Variants in CD40 observed in about 807,000 individuals in gnomAD.
CD40 encodes the protein tumor necrosis factor receptor superfamily member 5.
A neutral mutation model predicts 38.5 loss-of-function variants in CD40; 19 were observed. That is an observed-to-expected ratio of 0.49 (90% CI 0.34 to 0.72). The LOEUF is 0.72. Ranked by LOEUF, CD40 falls within the 30% of genes least tolerant of loss-of-function variation. The probability of loss-of-function intolerance (pLI) is 0.01; values close to 1 mark genes in which losing one functional copy is unlikely to be tolerated. For synonymous variants in CD40, 130 were observed against 128.7 expected (o/e 1.01, Z -0.07); for missense variants, 256 against 344.1 (o/e 0.74, Z 2.03).
chr20:46,128,772 T>C (rs1326149357), intron 8 of CD40, 110 bp from the exon 9 acceptor site: 19 of 1,214,398 alleles, frequency 1.6e-5, no homozygotes, highest in Non-Finnish European at 2.0e-5. Flanking sequence ...TGACCCGCCG[T>C]CTGGGAAAGG....
In CD40 at chr20:46,129,206, G is replaced by T; in HGVS notation, c.*166G>T. 2 of 729,240 alleles carry T rather than the reference G, an allele frequency of 2.7e-6. No homozygotes were observed. The highest frequency in any genetic ancestry group is 4.8e-6 in the Non-Finnish European group (2 of 417,790). 45.2% of individuals were successfully genotyped at this position (729,240 alleles called of 1,614,324 possible). A position where few individuals can be genotyped will look rare whatever the true frequency, so the allele number is the denominator to read the frequency against. On this transcript the variant is annotated 3_prime_UTR_variant, in exon 9 of 9. Coordinates refer to ENST00000372285, the MANE Select transcript of CD40 (RefSeq NM_001250.6). ...GTTTGAGACAGGAGACCTGGCACTG[G>T]ATGCAGAAACAGTTCACCTTGAAGA...
At chr20:46,121,981 C>G (rs979346762) in intron 2 of CD40, 83 bp downstream of exon 2, 2 of 1,235,954 alleles carry the variant, frequency 1.6e-6, no homozygotes, top group Admixed American at 3.4e-5. Flanking sequence ...TAACTGTAAA[C>G]TCAAATCTGA....
intron 6 of CD40, 200 bp downstream of exon 6, chr20:46,126,901 T>C: frequency 1.2e-6 from 1 of 821,570 alleles, no homozygotes; most frequent in Non-Finnish European, 1.9e-6. Context: ...ATCTGTAAAA[T>C]GGGATGATAA....
intron 5 of CD40, among the ~76,000 whole-genome samples, chr20:46,124,516 C>G (rs2085383243): frequency 6.6e-6 from 1 of 151,822 alleles, no homozygotes; most frequent in South Asian, 2.1e-4. Flanking sequence ...CACACACACA[C>G]AAACACACAC....
chr20:46,121,805 C>T lies in CD40; in HGVS notation c.52-15C>T, dbSNP rs187683423. On this transcript the variant is annotated splice_polypyrimidine_tract_variant and intron_variant, in intron 1 of 8. Coordinates refer to ENST00000372285, the MANE Select transcript of CD40 (RefSeq NM_001250.6). ...GATTTCAAGATCCCTTCAAATTGCACAATTCTGTTTTTAGGTCCATCCAGA... is the reference window on the plus strand; with the variant it reads ...GATTTCAAGATCCCTTCAAATTGCATAATTCTGTTTTTAGGTCCATCCAGA... 2,553 of 1,604,908 alleles carry T rather than the reference C, an allele frequency of 1.6e-3. 38 individuals carry two copies. The highest frequency in any genetic ancestry group is 4.0e-4 in the Non-Finnish European group (467 of 1,171,606).
In CD40 at chr20:46,122,889, A is replaced by G; in HGVS notation, c.403+133A>G. The G allele has an allele frequency of 8.5e-7, 1 of 1,182,226 alleles. No individual in the cohort carries two copies. Among genetic ancestry groups the G allele is most frequent in the Non-Finnish European group, 1.2e-6 (1 of 827,978 alleles). 73.2% of individuals were successfully genotyped at this position (1,182,226 alleles called of 1,614,324 possible). On this transcript the variant is annotated intron_variant, in intron 4 of 8. Coordinates refer to ENST00000372285, the MANE Select transcript of CD40 (RefSeq NM_001250.6). The surrounding 1 kb of genome is among the most constrained non-coding windows in gnomAD (Gnocchi z 5.0). ...GGCTCCAACCTATGTCGGTATCCCC[A>G]CTGGAGTGAGCTGCAGACGGGACCT...
intron 5 of CD40, among the ~76,000 whole-genome samples, chr20:46,123,580 C>A (rs1182324874): frequency 6.6e-6 from 1 of 152,192 alleles, no homozygotes; most frequent in Admixed American, 6.5e-5. Context: ...GGGTGCTCAC[C>A]CTGAGGGCCT....
chr20:46,128,532 T>C (rs1268693175), intron 8 of CD40, 174 bp downstream of exon 8: 2 of 771,896 alleles, frequency 2.6e-6, no homozygotes, highest in Non-Finnish European at 4.5e-6. Context: ...CAGAGCTCAA[T>C]CCCCCACAGA....
chr20:46,129,131 G>A lies in CD40; in HGVS notation c.*91G>A, dbSNP rs2085503062. The A allele has an allele frequency of 6.9e-7, 1 of 1,453,798 alleles. No individual in the cohort carries two copies. The highest frequency in any genetic ancestry group is 9.6e-7 in the Non-Finnish European group (1 of 1,042,152). 90.1% of individuals were successfully genotyped at this position (1,453,798 alleles called of 1,614,324 possible). ...GCTGCTGCTGTGGCGTGAGGGTGAG[G>A]GGCTGGCACTGACTGGGCATAGCTC... On this transcript the variant is annotated 3_prime_UTR_variant, in exon 9 of 9. Coordinates refer to ENST00000372285, the MANE Select transcript of CD40 (RefSeq NM_001250.6).
At chr20:46,124,879 G>A (rs1006957108) in intron 5 of CD40, among the ~76,000 whole-genome samples, 3 of 145,556 alleles carry the variant, frequency 2.1e-5, no homozygotes, top group Admixed American at 7.3e-5. Flanking sequence ...CCATTCTCCT[G>A]CCTCAGCCTC....
In CD40 at chr20:46,122,130, A is replaced by T. The variant is rs567636402; in HGVS notation, c.131-103A>T. The T allele has an allele frequency of 3.4e-4, 490 of 1,449,276 alleles. 3 individuals are homozygous for T. The highest frequency in any genetic ancestry group is 1.1e-3 in the South Asian group (93 of 86,872). The allele number at this position is 1,449,276 out of a possible 1,614,324, so 89.8% of individuals were successfully genotyped here. Reference sequence around the variant, plus strand: ...TGATTATGAAGGATCCAAGACTTTCATCTTTGAATCCCCTACCCTAAAGCC... The same window carrying T: ...TGATTATGAAGGATCCAAGACTTTCTTCTTTGAATCCCCTACCCTAAAGCC... On this transcript the variant is annotated intron_variant, in intron 2 of 8. Coordinates refer to ENST00000372285, the MANE Select transcript of CD40 (RefSeq NM_001250.6). The surrounding 1 kb of genome is among the most constrained non-coding windows in gnomAD (Gnocchi z 5.0).
intron 6 of CD40, among the ~76,000 whole-genome samples, chr20:46,127,442 G>A (rs1261830003): frequency 2.0e-5 from 3 of 152,192 alleles, no homozygotes; most frequent in African/African-American, 7.2e-5. Context: ...CCTGGCCCTG[G>A]TTCCAGTAAA....
At chr20:46,119,875 A>G (rs1468561051) in intron 1 of CD40, among the ~76,000 whole-genome samples, 1 of 152,196 alleles carries the variant, frequency 6.6e-6, no homozygotes, top group Non-Finnish European at 1.5e-5. Flanking sequence ...GTTTTGTGGC[A>G]GAAGGACCAG....
chr20:46,118,426 T>C (rs761660697), intron 1 of CD40, 32 bp downstream of exon 1: 3 of 1,609,012 alleles, frequency 1.9e-6, no homozygotes, highest in Admixed American at 1.7e-5. Context: ...CAGACGGGAG[T>C]TGGGAGTGGG....
rs764447217 is a variant in CD40 at position 46,123,190 on chromosome 20, T to C, written c.468T>C (p.Ser156=). ...TCGGCTTCTTCTCCAATGTGTCATC[T>C]GCTTTCGAAAAATGTCACCCTTGGA... ...CPVGFFSNVS[S]AFEKCHPWTS... Residue 156 remains serine (S), a synonymous_variant, in exon 5 of 9, where the codon TCT becomes TCC. Transcript: ENST00000372285. 2 of 1,614,202 alleles carry C rather than the reference T, an allele frequency of 1.2e-6. No individual in the cohort carries two copies. Among genetic ancestry groups the C allele is most frequent in the Non-Finnish European group, 1.7e-6 (2 of 1,179,996 alleles).
intron 1 of CD40, among the ~76,000 whole-genome samples, chr20:46,120,044 GC>G (rs1327607442): frequency 6.6e-6 from 1 of 152,124 alleles, no homozygotes; most frequent in African/African-American, 2.4e-5. Context: ...GGGGGCAGTA[GC>G]CTTTTCTACT....
Position 46,128,944 on chromosome 20 carries a change from C to T in CD40, c.738C>T (p.Asn246=). Residue 246 remains asparagine (N), a synonymous_variant, in exon 9 of 9, where the codon AAC becomes AAT. Coordinates refer to ENST00000372285, the MANE Select transcript of CD40 (RefSeq NM_001250.6). ...INFPDDLPGS[N]TAAPVQETLH... ...TTCCCGACGATCTTCCTGGCTCCAA[C>T]ACTGCTGCTCCAGTGCAGGAGACTT... is the stretch of plus-strand genomic sequence containing the variant. 3 of 1,614,232 alleles carry T rather than the reference C, an allele frequency of 1.9e-6. No homozygotes were observed. Among genetic ancestry groups the T allele is most frequent in the Non-Finnish European group, 2.5e-6 (3 of 1,180,040 alleles).
At chr20:46,121,364 G>A (rs2085313850) in intron 1 of CD40, among the ~76,000 whole-genome samples, 1 of 152,202 alleles carries the variant, frequency 6.6e-6, no homozygotes, top group Non-Finnish European at 1.5e-5. Flanking sequence ...AAGAAAACAT[G>A]ATGGGCTTTG....
rs771363187 is a variant in CD40 at position 46,121,822 on chromosome 20, C to T, written c.54C>T (p.Val18=). 1 of 1,612,192 alleles carries T rather than the reference C, an allele frequency of 6.2e-7. No individual in the cohort carries two copies. Among genetic ancestry groups the T allele is most frequent in the East Asian group, 2.2e-5 (1 of 44,894 alleles). ...AAATTGCACAATTCTGTTTTTAGGTCCATCCAGAACCACCCACTGCATGCA... is the reference window on the plus strand; with the variant it reads ...AAATTGCACAATTCTGTTTTTAGGTTCATCCAGAACCACCCACTGCATGCA... ...CVLWGCLLTA[V]HPEPPTACRE... Residue 18 remains valine (V), a splice_region_variant and synonymous_variant, in exon 2 of 9, where the codon GTC becomes GTT. Transcript: ENST00000372285.
Sources: gnomAD v4.1 joint callset for allele counts (sites outside exome capture counted in the v4.1 genomes callset) on GRCh38, gnomAD v4.1.1 for gene constraint, Gnocchi (gnomAD v3.1) non-coding constraint, MANE v1.5 for transcripts, NCBI Gene and HGNC (gene_info 2026-07-23, HGNC 2026-07-21) for gene names.